Variants in MCHR2 observed in about 807,000 individuals in gnomAD.
MCHR2 encodes melanin concentrating hormone receptor 2.
MCHR2 carries 15 observed loss-of-function variants against 24.8 expected under a neutral mutation model. That is an observed-to-expected ratio of 0.60 (90% CI 0.40 to 0.93). MCHR2 has a LOEUF of 0.93. Among genes scored for constraint, MCHR2 ranks in the 40% least tolerant of loss-of-function variants. MCHR2 has a pLI of 0.00. For synonymous variants in MCHR2, 151 were observed against 147.6 expected (o/e 1.02, Z -0.17); for missense variants, 386 against 408.7 (o/e 0.94, Z 0.48).
At chr6:99,955,936 GAAA>G (rs756442150) in intron 2 of MCHR2, 27 bp downstream of exon 2, 1,031 of 1,236,990 alleles carry the variant, frequency 8.3e-4, no homozygotes, top group South Asian at 3.1e-3. Context: ...AGTATGGAAG[GAAA>G]AAAAAAAAAA....
intron 1 of MCHR2, among the ~76,000 whole-genome samples, chr6:99,956,804 ATAGAAC>A (rs988154038): frequency 3.9e-5 from 6 of 152,264 alleles, no homozygotes; most frequent in Admixed American, 1.3e-4. Context: ...ATAAAGCAAA[ATAGAAC>A]TAGAAAATTA....
At chr6:99,936,617 G>A (rs1291422825) in intron 4 of MCHR2, among the ~76,000 whole-genome samples, 1 of 151,962 alleles carries the variant, frequency 6.6e-6, no homozygotes, top group Non-Finnish European at 1.5e-5. Context: ...TTGAAGTCGG[G>A]TAGCATGATG....
At chr6:99,975,972 C>G (rs968874468) in intron 1 of MCHR2, among the ~76,000 whole-genome samples, 6 of 152,156 alleles carry the variant, frequency 3.9e-5, no homozygotes, top group African/African-American at 1.4e-4. Flanking sequence ...AATTGAATCT[C>G]ACAGTTTGAG....
At chr6:99,954,779 A>G (rs1342389874) in intron 2 of MCHR2, among the ~76,000 whole-genome samples, 1 of 152,202 alleles carries the variant, frequency 6.6e-6, no homozygotes, top group Non-Finnish European at 1.5e-5. Flanking sequence ...AGATGTCCAC[A>G]TGGGTGGCTG....
At chr6:99,956,516 G>C (rs1290431851) in intron 1 of MCHR2, among the ~76,000 whole-genome samples, 2 of 152,068 alleles carry the variant, frequency 1.3e-5, no homozygotes, top group Non-Finnish European at 2.9e-5. Flanking sequence ...TTGGCCTGCA[G>C]ATCTGTTCAT....
At chr6:99,966,472 A>T (rs1177232455) in intron 1 of MCHR2, among the ~76,000 whole-genome samples, 1 of 152,144 alleles carries the variant, frequency 6.6e-6, no homozygotes, top group Non-Finnish European at 1.5e-5. Flanking sequence ...TAATAAATCC[A>T]TGTCAAGAAA....
At chr6:99,961,213 A>G (rs867098857) in intron 1 of MCHR2, among the ~76,000 whole-genome samples, 9 of 151,710 alleles carry the variant, frequency 5.9e-5, no homozygotes, top group South Asian at 2.1e-4. Context: ...TTTTAGGAAC[A>G]CTTTTTTTTT....
chr6:99,984,933 G>A (rs538020673), intron 1 of MCHR2, among the ~76,000 whole-genome samples: 140 of 152,130 alleles, frequency 9.2e-4, no homozygotes, highest in Admixed American at 1.6e-3. Flanking sequence ...GAACCCTAAG[G>A]ACTCCTTGAA....
intron 4 of MCHR2, among the ~76,000 whole-genome samples, chr6:99,938,427 T>C (rs1774708779): frequency 6.6e-6 from 1 of 152,096 alleles, no homozygotes; most frequent in South Asian, 2.1e-4. Flanking sequence ...AATGTTTAAA[T>C]TTCTTTCTTG....
chr6:99,963,109 TA>T (rs34429925), intron 1 of MCHR2, among the ~76,000 whole-genome samples: 3 of 151,370 alleles, frequency 2.0e-5, no homozygotes, highest in East Asian at 1.9e-4. Flanking sequence ...AAATGACAAT[TA>T]AAAAAAAGTG....
At chr6:99,964,357 G>A (rs1365197078) in intron 1 of MCHR2, among the ~76,000 whole-genome samples, 7 of 152,162 alleles carry the variant, frequency 4.6e-5, no homozygotes, top group African/African-American at 1.4e-4. Context: ...TAAACTGAAT[G>A]TATTAGTCTG....
In MCHR2 at chr6:99,943,140, G is replaced by GT. The variant is rs1335926055; in HGVS notation, c.395dup (p.Tyr132Ter). The GT allele has an allele frequency of 6.2e-7, 1 of 1,606,356 alleles. No individual in the cohort carries two copies. Among genetic ancestry groups the GT allele is most frequent in the Middle Eastern group, 1.7e-4 (1 of 6,014 alleles). ...AIMTVMSVDR[Y>*]FALVQPFRLT... ...GTCGAAATGGTTGGACGAGGGCAAAGTACCTGCAAAGGCAGTCAGGAAGAG... is the reference window on the plus strand; with the variant it reads ...GTCGAAATGGTTGGACGAGGGCAAAGTTACCTGCAAAGGCAGTCAGGAAGAG... The change falls in exon 4 of 6, where the codon TAC becomes TAAC. Residue 132 changes from tyrosine to a stop codon, truncating the protein, a stop_gained and frameshift_variant. Coordinates refer to ENST00000281806, the MANE Select transcript of MCHR2 (RefSeq NM_001040179.2). LOFTEE classifies it high-confidence loss of function.
Position 99,955,971 on chromosome 6 carries a change from T to C in MCHR2, c.177A>G (p.Ile59Met), listed in dbSNP as rs1225833189. Residue 59 changes from isoleucine to methionine, a missense_variant, in exon 2 of 6, where the codon ATA (isoleucine) becomes ATG (methionine). Physicochemically the swap from Ile to Met is conservative, Grantham distance 10 (BLOSUM62 1). Coordinates refer to ENST00000281806, the MANE Select transcript of MCHR2 (RefSeq NM_001040179.2). The stretch of plus-strand genomic sequence containing the variant: ...AAAAAGGAGCCATTCCTTACCTTAT[T>C]ATAGTGAATACAATGAGGATGTTGC... The part of the protein sequence containing the change: ...LVGNILIVFT[I>M]IRSRKKTVPD... 1.3e-6 allele frequency: 2 copies of C among 1,585,482 alleles called. No individual in the cohort carries two copies. The highest frequency in any genetic ancestry group is 1.2e-5 in the South Asian group (1 of 84,964).
chr6:99,962,203 C>T (rs568298603), intron 1 of MCHR2, among the ~76,000 whole-genome samples: 1 of 152,148 alleles, frequency 6.6e-6, no homozygotes, highest in Non-Finnish European at 1.5e-5. Context: ...ATAACTGAGA[C>T]AGCTACTAAG....
At chr6:99,926,869 T>G (rs1394335710) in intron 5 of MCHR2, among the ~76,000 whole-genome samples, 3 of 152,240 alleles carry the variant, frequency 2.0e-5, no homozygotes, top group Non-Finnish European at 2.9e-5. Flanking sequence ...TTTTGGCTTT[T>G]GTTGCCATTG....
chr6:99,934,398 C>A lies in MCHR2; in HGVS notation c.707G>T (p.Cys236Phe), dbSNP rs1444745029. The change falls in exon 5 of 6, where the codon TGC becomes TTC. Residue 236 changes from cysteine (C) to phenylalanine (F), a missense_variant and splice_region_variant. By Grantham distance (205) the Cys-to-Phe change is radical (BLOSUM62 -2). Coordinates refer to ENST00000281806, the MANE Select transcript of MCHR2 (RefSeq NM_001040179.2). ...CAAATAAAACAAGGCAAACACTTAC[C>A]ATCTGGCATCCTTATTCTGTTGATA... The part of the protein sequence containing the change: ...EMYQQNKDAR[C>F]CNPSVPKQRV... 3 of 1,568,696 alleles carry A rather than the reference C, an allele frequency of 1.9e-6. No individual in the cohort carries two copies. The highest frequency in any genetic ancestry group is 4.0e-5 in the Admixed American group (2 of 49,678).
intron 4 of MCHR2, among the ~76,000 whole-genome samples, chr6:99,941,574 C>T (rs1037970691): frequency 1.3e-5 from 2 of 152,168 alleles, no homozygotes; most frequent in East Asian, 1.9e-4. Flanking sequence ...GAGAGTCGCG[C>T]CTTCATGAAT....
intron 1 of MCHR2, among the ~76,000 whole-genome samples, chr6:99,959,747 A>G (rs933579800): frequency 6.6e-6 from 1 of 150,432 alleles, no homozygotes; most frequent in African/African-American, 2.4e-5. Flanking sequence ...AGACTTGATC[A>G]AGCAAGAGAG....
At chr6:99,959,834 G>GATAATA (rs111797843) in intron 1 of MCHR2, among the ~76,000 whole-genome samples, 84 of 147,532 alleles carry the variant, frequency 5.7e-4, no homozygotes, top group African/African-American at 1.7e-3. Flanking sequence ...TAATAATAAT[G>GATAATA]ATAATAATAA....
Sources: gnomAD v4.1 joint callset for allele counts (sites outside exome capture counted in the v4.1 genomes callset) on GRCh38, gnomAD v4.1.1 for gene constraint, MANE v1.5 for transcripts, NCBI Gene and HGNC (gene_info 2026-07-23, HGNC 2026-07-21) for gene names.